Variants in ATP1A4 observed in about 807,000 individuals in gnomAD.
The protein encoded by ATP1A4 is ATPase Na+/K+ transporting subunit alpha 4.
Under a neutral mutation model 114.3 loss-of-function variants are expected in ATP1A4, and 90 were observed. The ratio of observed to expected loss-of-function variants is 0.79; its 90% CI spans 0.66 to 0.94. The LOEUF is 0.94. ATP1A4 is among the 40% of genes least tolerant of loss of function. The pLI is 0.00. For missense variants in ATP1A4, 1,222 were observed against 1,313.6 expected (o/e 0.93, Z 1.08); for synonymous variants, 511 against 494.1 (o/e 1.03, Z -0.45).
chr1:160,177,834 G>A (rs1653535888), intron 18 of ATP1A4, among the ~76,000 whole-genome samples, 170 bp downstream of exon 18: 1 of 152,212 alleles, frequency 6.6e-6, no homozygotes, highest in Non-Finnish European at 1.5e-5. Flanking sequence ...TCAGTCTTCA[G>A]CCACAACAGC....
In ATP1A4 at chr1:160,166,636, A is replaced by G. The variant is rs566781752; in HGVS notation, c.1156A>G (p.Thr386Ala). ...CACGTCCACCATCTGCTCAGACAAG[A>G]CGGGCACCCTCACCCAGAACCGCAT... ...GSTSTICSDK[T>A]GTLTQNRMTV... is the part of the protein sequence containing the mutation. Residue 386 changes from threonine (T) to alanine (A), a missense_variant, in exon 8 of 22, where the codon ACG (threonine) becomes GCG (alanine). Physicochemically the swap from Thr to Ala is moderately conservative, Grantham distance 58. Transcript: ENST00000368081. 4 of 1,614,190 alleles carry G rather than the reference A, an allele frequency of 2.5e-6. No homozygotes were observed. In the African/African-American group the frequency reaches 5.3e-5, roughly 22 times the overall value.
intron 13 of ATP1A4, 131 bp from the exon 14 acceptor site, chr1:160,173,980 T>C: frequency 8.2e-7 from 1 of 1,212,652 alleles, no homozygotes; most frequent in East Asian, 2.5e-5. Flanking sequence ...TTGGGGACAA[T>C]ATAGGGCTAG....
rs764509935 is a variant in ATP1A4 at position 160,181,697 on chromosome 1, G to A, written c.2750G>A (p.Arg917Gln). 1.2e-5 allele frequency: 20 copies of A among 1,614,106 alleles called. No homozygotes were observed. The highest frequency in any genetic ancestry group is 3.3e-5 in the Admixed American group (2 of 60,016). ...TGCTGTCTCTAGACCTATGAGCAAC[G>A]AAAAGTTGTGGAGTTCACATGCCAA... ...SYGQQWTYEQ[R>Q]KVVEFTCQTA... The change falls in exon 19 of 22, where the codon CGA becomes CAA. Residue 917 changes from arginine to glutamine, a missense_variant. By Grantham distance (43) the Arg-to-Gln change is conservative (BLOSUM62 1). Coordinates refer to ENST00000368081, the MANE Select transcript of ATP1A4 (RefSeq NM_144699.4).
intron 10 of ATP1A4, chr1:160,171,040 T>G: frequency 2.1e-6 from 1 of 481,016 alleles, no homozygotes; most frequent in Non-Finnish European, 3.7e-6. Context: ...ATAATGGAGA[T>G]TCCTGTGCAA....
In ATP1A4 at chr1:160,181,676, G is replaced by A. The variant is rs766054029; in HGVS notation, c.2737-8G>A. The A allele has an allele frequency of 8.1e-6, 13 of 1,613,886 alleles. No individual in the cohort carries two copies. The highest frequency in any genetic ancestry group is 1.1e-5 in the Non-Finnish European group (13 of 1,179,970). ...TGACACTGTTTCCTCTCTCCCTGCT[G>A]TCTCTAGACCTATGAGCAACGAAAA... On this transcript the variant is annotated splice_region_variant and splice_polypyrimidine_tract_variant and intron_variant, in intron 18 of 21. Coordinates refer to ENST00000368081, the MANE Select transcript of ATP1A4 (RefSeq NM_144699.4).
rs1202389227 is a variant in ATP1A4 at position 160,177,539 on chromosome 1, G to C, written c.2611G>C (p.Gly871Arg). The C allele has an allele frequency of 1.9e-6, 3 of 1,613,980 alleles. No homozygotes were observed. The African/African-American group carries it at 4.0e-5, about 22-fold the overall frequency. ...GQIGMIQALA[G>R]FFTYFVILAE... ...CACAGGGATGATCCAGGCTCTGGCT[G>C]GATTCTTTACCTACTTTGTAATCCT... The change falls in exon 18 of 22, where the codon GGA (glycine) becomes CGA (arginine). Residue 871 changes from glycine (G) to arginine (R), a missense_variant. Coordinates refer to ENST00000368081, the MANE Select transcript of ATP1A4 (RefSeq NM_144699.4).
chr1:160,168,083 G>A (rs938953000), intron 10 of ATP1A4, among the ~76,000 whole-genome samples: 3 of 152,206 alleles, frequency 2.0e-5, no homozygotes, highest in African/African-American at 7.2e-5. Flanking sequence ...CCGGGGAGGA[G>A]TGGACAAGAG....
intron 2 of ATP1A4, 76 bp downstream of exon 2, chr1:160,153,300 A>G: frequency 7.4e-7 from 1 of 1,344,128 alleles, no homozygotes; most frequent in Non-Finnish European, 1.1e-6. Flanking sequence ...AAGCTGAACT[A>G]GGAATCCAGC....
rs372749103 is a variant in ATP1A4 at position 160,155,111 on chromosome 1, C to G, written c.274C>G (p.Pro92Ala). Reference protein sequence around the residue: ...RGGPNTVTPPPTTPEWVKFCK... With the variant: ...RGGPNTVTPPATTPEWVKFCK... The stretch of plus-strand genomic sequence containing the variant: ...TGGACCCAATACTGTTACCCCACCC[C>G]CCACCACTCCAGAATGGGTCAAATT... The change falls in exon 3 of 22, where the codon CCC becomes GCC. Residue 92 changes from proline to alanine, a missense_variant. By Grantham distance (27) the Pro-to-Ala change is conservative. Coordinates refer to ENST00000368081, the MANE Select transcript of ATP1A4 (RefSeq NM_144699.4). The G allele has an allele frequency of 5.0e-6, 8 of 1,613,862 alleles. No individual in the cohort carries two copies. The African/African-American group carries it at 9.3e-5, about 19-fold the overall frequency.
chr1:160,174,705 C>T lies in ATP1A4; in HGVS notation c.2269C>T (p.Leu757=). The change falls in exon 15 of 22, where the codon CTG becomes TTG. Residue 757 remains leucine (L), a synonymous_variant. Transcript: ENST00000368081. ...TAAGCAGGCAGCCGACATGATCCTGCTGGATGACAACTTTGCCTCCATCGT... is the reference window on the plus strand; with the variant it reads ...TAAGCAGGCAGCCGACATGATCCTGTTGGATGACAACTTTGCCTCCATCGT... The part of the protein sequence containing the change: ...VSKQAADMIL[L]DDNFASIVTG... The T allele has an allele frequency of 6.2e-7, 1 of 1,614,178 alleles. No homozygotes were observed. The highest frequency in any genetic ancestry group is 8.5e-7 in the Non-Finnish European group (1 of 1,180,036).
Position 160,181,652 on chromosome 1 carries a change from G to C in ATP1A4, c.2737-32G>C. 4.3e-6 allele frequency: 7 copies of C among 1,612,548 alleles called. No homozygotes were observed. In the South Asian group the frequency reaches 7.7e-5, roughly 18 times the overall value. On this transcript the variant is annotated intron_variant, in intron 18 of 21. Coordinates refer to ENST00000368081, the MANE Select transcript of ATP1A4 (RefSeq NM_144699.4). ...CTTAGGGTGTACAGAATCCCCTTCT[G>C]ACACTGTTTCCTCTCTCCCTGCTGT...
chr1:160,173,552 G>C (rs750203842), intron 12 of ATP1A4, 29 bp from the exon 13 acceptor site: 2 of 1,605,334 alleles, frequency 1.2e-6, no homozygotes, highest in African/African-American at 2.7e-5. Context: ...AGATGATTCT[G>C]CTCCTCTTCC....
At chr1:160,174,477 T>C in intron 14 of ATP1A4, 102 bp from the exon 15 acceptor site, 1 of 1,515,158 alleles carries the variant, frequency 6.6e-7, no homozygotes, top group Non-Finnish European at 8.9e-7. Context: ...TCAAGCATGA[T>C]TACATCAGGA....
At chr1:160,159,558 A>T (rs758465841) in intron 6 of ATP1A4, 32 bp downstream of exon 6, 1 of 1,555,720 alleles carries the variant, frequency 6.4e-7, no homozygotes, top group East Asian at 2.3e-5. Context: ...GCATAGATTC[A>T]AAAGCAGGCA....
chr1:160,153,032 A>G, intron 1 of ATP1A4, 133 bp from the exon 2 acceptor site: 1 of 712,838 alleles, frequency 1.4e-6, no homozygotes. Flanking sequence ...CCATCTCAAA[A>G]AAAGAATTGC....
chr1:160,173,531 C>T (rs1653340648), intron 12 of ATP1A4, 50 bp from the exon 13 acceptor site: 1 of 1,596,042 alleles, frequency 6.3e-7, no homozygotes, highest in Non-Finnish European at 8.6e-7. Flanking sequence ...AATGAAGGAT[C>T]CGGGCTCTGA....
intron 18 of ATP1A4, among the ~76,000 whole-genome samples, chr1:160,178,396 G>C (rs1036858462): frequency 6.6e-6 from 1 of 151,452 alleles, no homozygotes. Flanking sequence ...TTGAAAACCA[G>C]CTGGGCACAG....
chr1:160,179,205 G>A (rs1653594942), intron 18 of ATP1A4, among the ~76,000 whole-genome samples: 1 of 152,138 alleles, frequency 6.6e-6, no homozygotes, highest in African/African-American at 2.4e-5. Context: ...ATTAGCTGAG[G>A]CTGTAAGGCC....
intron 17 of ATP1A4, 188 bp from the exon 18 acceptor site, chr1:160,177,331 A>C: frequency 1.8e-6 from 1 of 554,060 alleles, no homozygotes; most frequent in South Asian, 3.0e-5. Context: ...TCAGGGCTTG[A>C]AGGAAAGTCC....
Sources: allele counts gnomAD v4.1 joint callset (sites outside exome capture counted in the v4.1 genomes callset), GRCh38; gene constraint gnomAD v4.1.1; transcripts MANE v1.5; gene names NCBI Gene and HGNC (gene_info 2026-07-23, HGNC 2026-07-21).